Variants in MECOM observed in about 807,000 individuals in gnomAD.
MECOM encodes MDS1 and EVI1 complex locus.
In MECOM, 13 loss-of-function variants were observed where a neutral mutation model predicts 116.3. The ratio of observed to expected loss-of-function variants is 0.11; its 90% CI spans 0.07 to 0.18. MECOM has a LOEUF of 0.18. Among genes scored for constraint, MECOM ranks in the 10% least tolerant of loss-of-function variants. MECOM has a pLI of 1.00. For synonymous variants in MECOM, 528 were observed against 535.2 expected, an observed-to-expected ratio of 0.99 and a Z score of 0.19; for missense variants, 1,299 against 1,509.0, an observed-to-expected ratio of 0.86 and a Z score of 2.31.
intron 2 of MECOM, among the ~76,000 whole-genome samples, chr3:169,251,945 A>T (rs1756292358): frequency 6.6e-6 from 1 of 152,160 alleles, no homozygotes; most frequent in Non-Finnish European, 1.5e-5. Context: ...AGATAATACA[A>T]ACATGTATTC....
chr3:169,333,987 A>G (rs1401623867), intron 2 of MECOM, among the ~76,000 whole-genome samples: 1 of 149,164 alleles, frequency 6.7e-6, no homozygotes, highest in Non-Finnish European at 1.5e-5. Flanking sequence ...ACTCTTTTTG[A>G]GGCATCTCTC....
intron 2 of MECOM, among the ~76,000 whole-genome samples, chr3:169,309,798 A>G (rs1193182742): frequency 6.6e-6 from 1 of 152,130 alleles, no homozygotes; most frequent in African/African-American, 2.4e-5. Context: ...ACATGACAGC[A>G]CTAAGGCAAA....
At chr3:169,518,869 T>C (rs1302201270) in intron 1 of MECOM, among the ~76,000 whole-genome samples, 1 of 152,130 alleles carries the variant, frequency 6.6e-6, no homozygotes, top group Non-Finnish European at 1.5e-5. Flanking sequence ...AAGCTCTCTC[T>C]CTCTTTGTCT....
chr3:169,482,529 T>C (rs770303085), intron 1 of MECOM, among the ~76,000 whole-genome samples: 6 of 151,712 alleles, frequency 4.0e-5, no homozygotes, highest in Non-Finnish European at 7.4e-5. Flanking sequence ...AGAGACGGGG[T>C]GTCACCGTGT....
chr3:169,574,127 T>C (rs1318868824), intron 1 of MECOM, among the ~76,000 whole-genome samples: 2 of 152,192 alleles, frequency 1.3e-5, no homozygotes, highest in African/African-American at 4.8e-5. Context: ...TGTCAAGATT[T>C]GAGGGCTACC....
At chr3:169,202,119 C>T (rs1355364517) in intron 2 of MECOM, among the ~76,000 whole-genome samples, 1 of 152,042 alleles carries the variant, frequency 6.6e-6, no homozygotes, top group African/African-American at 2.4e-5. Context: ...TACCCTGCTG[C>T]CTGACTCCTG....
At chr3:169,214,423 T>A (rs960778889) in intron 2 of MECOM, among the ~76,000 whole-genome samples, 2 of 146,724 alleles carry the variant, frequency 1.4e-5, no homozygotes, top group East Asian at 2.0e-4. Context: ...AGCCCAGGAG[T>A]GTTTAAAAAA....
intron 1 of MECOM, among the ~76,000 whole-genome samples, chr3:169,453,118 C>G (rs907672672): frequency 3.9e-5 from 6 of 152,118 alleles, no homozygotes; most frequent in Non-Finnish European, 8.8e-5. Flanking sequence ...AGAGAGCCCT[C>G]AATATACAGA....
chr3:169,655,068 C>T (rs1278988585), intron 1 of MECOM, among the ~76,000 whole-genome samples: 1 of 151,702 alleles, frequency 6.6e-6, no homozygotes, highest in East Asian at 1.9e-4. Context: ...AGAAAACTTA[C>T]ATAAAAACCC....
At chr3:169,295,278 TAA>T (rs1372034470) in intron 2 of MECOM, among the ~76,000 whole-genome samples, 2 of 152,114 alleles carry the variant, frequency 1.3e-5, no homozygotes, top group South Asian at 4.2e-4. Context: ...TTAAAAGGGT[TAA>T]AAAAAGTTAA....
At chr3:169,430,057 A>ATGT (rs1361996873) in intron 1 of MECOM, among the ~76,000 whole-genome samples, 6 of 152,190 alleles carry the variant, frequency 3.9e-5, no homozygotes, top group African/African-American at 1.4e-4. Flanking sequence ...TAGAAGTAGA[A>ATGT]TGTTCATTGA....
intron 1 of MECOM, among the ~76,000 whole-genome samples, chr3:169,409,395 T>G (rs1737201847): frequency 6.6e-6 from 1 of 152,210 alleles, no homozygotes; most frequent in South Asian, 2.1e-4. Flanking sequence ...GAGTTACTAG[T>G]GTTCTCTGCT....
intron 2 of MECOM, among the ~76,000 whole-genome samples, chr3:169,225,106 T>A (rs1394282454): frequency 1.3e-5 from 2 of 152,226 alleles, no homozygotes; most frequent in Non-Finnish European, 2.9e-5. Flanking sequence ...AATTTATTGA[T>A]CCAGAGGGCT....
intron 1 of MECOM, among the ~76,000 whole-genome samples, chr3:169,460,993 C>T (rs1375087009): frequency 6.6e-6 from 1 of 152,162 alleles, no homozygotes; most frequent in Non-Finnish European, 1.5e-5. Flanking sequence ...GCCCTCCTTG[C>T]CTTCCTGTTC....
chr3:169,659,414 C>T (rs554140650), intron 1 of MECOM, among the ~76,000 whole-genome samples: 10 of 132,080 alleles, frequency 7.6e-5, no homozygotes, highest in South Asian at 2.5e-4. Context: ...GAATGAAAAG[C>T]GTAATTAACC....
At chr3:169,138,464 T>C (rs1047987555) in intron 3 of MECOM, among the ~76,000 whole-genome samples, 3 of 152,114 alleles carry the variant, frequency 2.0e-5, no homozygotes, top group Non-Finnish European at 2.9e-5. Context: ...CATCTTCAGG[T>C]GAAGGAAGTA....
At chr3:169,267,772 TCA>T (rs1758490682) in intron 2 of MECOM, among the ~76,000 whole-genome samples, 1 of 150,390 alleles carries the variant, frequency 6.6e-6, no homozygotes, top group Admixed American at 6.6e-5. Flanking sequence ...ATTTTTTTTT[TCA>T]GAGTCCAACA....
At chr3:169,128,982 G>A (rs913343511) in intron 4 of MECOM, among the ~76,000 whole-genome samples, 6 of 152,068 alleles carry the variant, frequency 3.9e-5, no homozygotes, top group Non-Finnish European at 4.4e-5. Flanking sequence ...AATACCCACG[G>A]CAAACAATAT....
At chr3:169,220,631 C>T (rs1242444612) in intron 2 of MECOM, among the ~76,000 whole-genome samples, 1 of 151,996 alleles carries the variant, frequency 6.6e-6, no homozygotes, top group Non-Finnish European at 1.5e-5. Flanking sequence ...CCCACCACCA[C>T]GCCCAGCTAA....
Sources: allele counts gnomAD v4.1 joint callset (sites outside exome capture counted in the v4.1 genomes callset), GRCh38; gene constraint gnomAD v4.1.1; transcripts MANE v1.5; gene names NCBI Gene and HGNC (gene_info 2026-07-23, HGNC 2026-07-21).